SOX6: variants seen among roughly 807,000 people sequenced by gnomAD.
SOX6 encodes the protein transcription factor SOX-6.
In SOX6, 11 loss-of-function variants were observed where a neutral mutation model predicts 97.8. The observed-to-expected ratio is 0.11, with a 90% CI of 0.07 to 0.19. SOX6 has a LOEUF of 0.19. Ranked by LOEUF, SOX6 falls within the 10% of genes least tolerant of loss-of-function variation. The probability of loss-of-function intolerance (pLI) is 1.00; values close to 1 mark genes in which losing one functional copy is unlikely to be tolerated. For missense variants in SOX6, 810 were observed against 1,039.5 expected (o/e 0.78, Z 3.04); for synonymous variants, 360 against 371.4 (o/e 0.97, Z 0.35).
At chr11:16,141,862 G>C (rs111600943) in intron 6 of SOX6, among the ~76,000 whole-genome samples, 1 of 152,008 alleles carries the variant, frequency 6.6e-6, no homozygotes, top group Non-Finnish European at 1.5e-5. Flanking sequence ...CAGGAAGCTC[G>C]AACTGGGAGG....
chr11:16,526,524 C>A (rs1382050148), intron 4 of SOX6, among the ~76,000 whole-genome samples: 2 of 151,856 alleles, frequency 1.3e-5, no homozygotes, highest in Non-Finnish European at 2.9e-5. Context: ...AGGAGATATA[C>A]CTAATGCTAA....
intron 12 of SOX6, chr11:16,015,459 A>G (rs898980866): frequency 3.2e-5 from 6 of 188,960 alleles, no homozygotes; most frequent in Admixed American, 2.7e-4. Flanking sequence ...CATAGTTTGC[A>G]TTGGTATTCC....
chr11:16,049,680 CA>C (rs1426473603), intron 11 of SOX6, 74 bp downstream of exon 11: 2 of 1,534,442 alleles, frequency 1.3e-6, no homozygotes, highest in Admixed American at 3.6e-5. Context: ...AAACAAGTAT[CA>C]GTCGTAACTA....
At chr11:16,093,619 G>A (rs1480602357) in intron 9 of SOX6, among the ~76,000 whole-genome samples, 1 of 151,778 alleles carries the variant, frequency 6.6e-6, no homozygotes, top group Non-Finnish European at 1.5e-5. Context: ...GAGTATATGT[G>A]TTATAAGCTT....
chr11:16,173,047 T>TATGGAATTTACTGTGTTCC (rs1389236038), intron 6 of SOX6, among the ~76,000 whole-genome samples: 2 of 151,898 alleles, frequency 1.3e-5, no homozygotes, highest in Non-Finnish European at 2.9e-5. Context: ...CGTATAAGTC[T>TATGGAATTTACTGTGTTCC]ATGGAATTTA....
intron 4 of SOX6, among the ~76,000 whole-genome samples, chr11:16,522,007 G>A (rs192043131): frequency 8.8e-4 from 134 of 152,256 alleles, no homozygotes; most frequent in African/African-American, 2.6e-3. Flanking sequence ...CGTCTGATTC[G>A]TGTACCTGAA....
At chr11:16,010,977 C>T (rs1269374903) in intron 13 of SOX6, among the ~76,000 whole-genome samples, 1 of 151,844 alleles carries the variant, frequency 6.6e-6, no homozygotes, top group African/African-American at 2.4e-5. Flanking sequence ...TCCAACATAC[C>T]TTTTTTAAAA....
intron 4 of SOX6, among the ~76,000 whole-genome samples, chr11:16,551,866 A>C (rs1181962397): frequency 1.3e-5 from 2 of 152,102 alleles, no homozygotes; most frequent in African/African-American, 4.8e-5. Context: ...CAGCCTCCCA[A>C]AGTGCTGGGA....
intron 1 of SOX6, among the ~76,000 whole-genome samples, chr11:16,342,601 T>C (rs1421465263): frequency 1.3e-5 from 2 of 151,952 alleles, no homozygotes; most frequent in Admixed American, 1.3e-4. Flanking sequence ...CTTTCATGAA[T>C]ATTGCAGTGA....
At chr11:15,986,499 C>A in intron 14 of SOX6, 79 bp from the exon 15 acceptor site, 1 of 1,352,648 alleles carries the variant, frequency 7.4e-7, no homozygotes. Context: ...TATACCTTCC[C>A]ATCACTTCAC....
intron 3 of SOX6, among the ~76,000 whole-genome samples, chr11:16,701,571 A>G (rs553731591): frequency 1.3e-5 from 2 of 152,202 alleles, no homozygotes; most frequent in East Asian, 3.9e-4. Flanking sequence ...TCCTAATTCC[A>G]CTATTAAAAG....
At chr11:16,468,662 C>T (rs1358616960) in intron 1 of SOX6, among the ~76,000 whole-genome samples, 1 of 152,166 alleles carries the variant, frequency 6.6e-6, no homozygotes, top group East Asian at 1.9e-4. Context: ...GTAAAACATT[C>T]AGACAGAATC....
intron 4 of SOX6, among the ~76,000 whole-genome samples, chr11:16,492,264 C>T (rs942419410): frequency 2.6e-5 from 4 of 152,172 alleles, no homozygotes; most frequent in Admixed American, 6.5e-5. Context: ...ATTGGTGCTG[C>T]TACTTAGGAG....
At chr11:16,308,639 G>A (rs1308582210) in intron 3 of SOX6, among the ~76,000 whole-genome samples, 1 of 152,046 alleles carries the variant, frequency 6.6e-6, no homozygotes, top group East Asian at 1.9e-4. Context: ...TAATAGGTTT[G>A]TAATTTTGCA....
At chr11:16,327,244 G>A (rs1356940451) in intron 2 of SOX6, among the ~76,000 whole-genome samples, 1 of 152,098 alleles carries the variant, frequency 6.6e-6, no homozygotes, top group Non-Finnish European at 1.5e-5. Context: ...GTTGCTATGA[G>A]AAATGAATCA....
intron 3 of SOX6, among the ~76,000 whole-genome samples, chr11:16,631,557 T>C (rs1419286461): frequency 6.6e-6 from 1 of 152,208 alleles, no homozygotes; most frequent in African/African-American, 2.4e-5. Context: ...CAATATGCCT[T>C]GGTAAAGTTC....
chr11:16,217,871 T>C (rs964106317), intron 4 of SOX6, among the ~76,000 whole-genome samples: 3 of 152,104 alleles, frequency 2.0e-5, no homozygotes, highest in Admixed American at 1.3e-4. Flanking sequence ...GATTCAGCTA[T>C]GAAAATAAAC....
chr11:16,361,011 AAAAG>A (rs200356070), upstream of SOX6, among the ~76,000 whole-genome samples: 4 of 132,508 alleles, frequency 3.0e-5, no homozygotes, highest in African/African-American at 6.0e-5. Context: ...TCAAAAAAAA[AAAAG>A]AAGAAGAAGA....
intron 3 of SOX6, among the ~76,000 whole-genome samples, chr11:16,299,579 G>C (rs1028757996): frequency 2.0e-5 from 3 of 152,056 alleles, no homozygotes; most frequent in Non-Finnish European, 2.9e-5. Flanking sequence ...TTTCATTTAA[G>C]ACTGGAAGGA....
Sources: gnomAD v4.1 joint callset for allele counts (sites outside exome capture counted in the v4.1 genomes callset) on GRCh38, gnomAD v4.1.1 for gene constraint, MANE v1.5 for transcripts, NCBI Gene and HGNC (gene_info 2026-07-23, HGNC 2026-07-21) for gene names.